PCK2: variants seen among roughly 807,000 people sequenced by gnomAD.
The protein encoded by PCK2 is phosphoenolpyruvate carboxykinase 2, mitochondrial.
A neutral mutation model predicts 65.9 loss-of-function variants in PCK2; 56 were observed. That is an observed-to-expected ratio of 0.85 (90% confidence interval 0.69 to 1.06). The LOEUF (loss-of-function observed/expected upper bound fraction) is 1.06, where lower values mean the gene tolerates loss of function less well. Ranked by LOEUF, PCK2 falls within the 50% of genes least tolerant of loss-of-function variation. The pLI, the probability that PCK2 is intolerant of heterozygous loss-of-function variation, is 0.00. For synonymous variants in PCK2, 305 were observed against 319.6 expected, an observed-to-expected ratio of 0.95 and a Z score of 0.49; for missense variants, 843 against 863.1, an observed-to-expected ratio of 0.98 and a Z score of 0.29.
In PCK2 at chr14:24,097,063, G is replaced by C. The variant is rs374957509; in HGVS notation, c.201G>C (p.Glu67Asp). The C allele has an allele frequency of 2.5e-6, 4 of 1,613,642 alleles. No homozygotes were observed. The highest frequency in any genetic ancestry group is 3.4e-6 in the Non-Finnish European group (4 of 1,179,824). ...PEGIHICDGT[E>D]AENTATLTLL... Reference sequence around the variant, plus strand: ...GCATCCACATCTGTGATGGAACTGAGGCTGAGAATACTGCCACACTGACCC... The same window carrying C: ...GCATCCACATCTGTGATGGAACTGACGCTGAGAATACTGCCACACTGACCC... The change falls in exon 2 of 10, where the codon GAG (glutamate) becomes GAC (aspartate). Residue 67 changes from glutamate to aspartate, a missense_variant. Physicochemically the swap from Glu to Asp is conservative, Grantham distance 45. Transcript: ENST00000216780.
chr14:24,100,594 A>G, intron 7 of PCK2: 1 of 1,081,532 alleles, frequency 9.2e-7, no homozygotes, highest in East Asian at 6.0e-5. Flanking sequence ...ATGAAAGGAA[A>G]AGGAAGGACT....
rs34592767 is a variant in PCK2, at chr14:24,096,228, C to CTT, written c.30-637_30-636dup. 1.9e-3 allele frequency among the ~76,000 whole-genome samples: 109 copies of CTT among 58,870 alleles called. 15 individuals are homozygous for CTT. Among genetic ancestry groups the CTT allele is most frequent in the Non-Finnish European group, 1.5e-3 (53 of 34,854 alleles). 38.6% of individuals were successfully genotyped at this position (58,870 alleles called of 152,430 possible). ...TTGGGCCAAAGGCCCCTACTCATTT[C>CTT]TTTTTTTTTTTTTTTTTTTTTTTTT... On this transcript the variant is annotated intron_variant, in intron 1 of 9. Coordinates refer to ENST00000216780, the MANE Select transcript of PCK2 (RefSeq NM_004563.4).
intron 2 of PCK2, among the ~76,000 whole-genome samples, chr14:24,097,614 GTC>G (rs2036952760): frequency 6.8e-6 from 1 of 147,314 alleles, no homozygotes; most frequent in Admixed American, 6.7e-5. Context: ...TTGAGATGGA[GTC>G]TCACTGTATC....
At position 24,100,337 on chromosome 14, in the gene PCK2, T is replaced by C. The variant is rs957187661; in HGVS notation, c.1234+124T>C. On this transcript the variant is annotated intron_variant, in intron 7 of 9. Coordinates refer to ENST00000216780, the MANE Select transcript of PCK2 (RefSeq NM_004563.4). ...CAGGAGGCACAGAAGTCATGAACGTTTGCAGTTTCCAGTCCCAGGCAAAAT... is the reference window on the plus strand; with the variant it reads ...CAGGAGGCACAGAAGTCATGAACGTCTGCAGTTTCCAGTCCCAGGCAAAAT... 2.7e-6 allele frequency: 4 copies of C among 1,493,198 alleles called. No homozygotes were observed. The African/African-American group carries it at 5.6e-5, about 21-fold the overall frequency. 92.5% of individuals were successfully genotyped at this position (1,493,198 alleles called of 1,614,324 possible).
chr14:24,094,736 G>C lies in PCK2; in HGVS notation c.29+302G>C, dbSNP rs1189508993. The stretch of plus-strand genomic sequence containing the variant: ...CTCCTCGCTCCTCTCTGCTGAGCCA[G>C]GTCTCCGCATATCCTCCTTTCCTTC... On this transcript the variant is annotated intron_variant, in intron 1 of 9. Coordinates refer to ENST00000216780, the MANE Select transcript of PCK2 (RefSeq NM_004563.4). The surrounding 1 kb of genome is among the most constrained non-coding windows in gnomAD (Gnocchi z 4.1). 1.3e-6 allele frequency: 2 copies of C among 1,483,762 alleles called. No individual in the cohort carries two copies. Among genetic ancestry groups the C allele is most frequent in the Admixed American group, 4.1e-5 (2 of 49,132 alleles). 91.9% of individuals were successfully genotyped at this position (1,483,762 alleles called of 1,614,324 possible).
Position 24,102,746 on chromosome 14 carries a change from C to T in PCK2, c.1235-7C>T. ...GGAAATAATAGTGTTTGTATTTCCTCTGCCAGGTGACAAGGAGCCCTGTGC... is the reference window on the plus strand; with the variant it reads ...GGAAATAATAGTGTTTGTATTTCCTTTGCCAGGTGACAAGGAGCCCTGTGC... On this transcript the variant is annotated splice_region_variant and splice_polypyrimidine_tract_variant and intron_variant, in intron 7 of 9. Coordinates refer to ENST00000216780, the MANE Select transcript of PCK2 (RefSeq NM_004563.4). 6.2e-7 allele frequency: 1 copy of T among 1,612,060 alleles called. No homozygotes were observed. Among genetic ancestry groups the T allele is most frequent in the Non-Finnish European group, 8.5e-7 (1 of 1,178,806 alleles).
At chr14:24,099,287 G>T in intron 5 of PCK2, 51 bp downstream of exon 5, 1 of 1,524,564 alleles carries the variant, frequency 6.6e-7, no homozygotes, top group South Asian at 1.2e-5. Context: ...GGCAGGGGTG[G>T]GGCCTGGCCA....
chr14:24,099,797 G>T, intron 6 of PCK2, 77 bp downstream of exon 6: 1 of 1,521,072 alleles, frequency 6.6e-7, no homozygotes, highest in South Asian at 1.1e-5. Flanking sequence ...TGTTCACAAT[G>T]ACTTTGTCAG....
At chr14:24,096,563 T>G (rs974032392) in intron 1 of PCK2, among the ~76,000 whole-genome samples, 5 of 152,136 alleles carry the variant, frequency 3.3e-5, no homozygotes, top group Non-Finnish European at 1.5e-5. Flanking sequence ...AAACGTTGAT[T>G]AAACAGTTAA....
chr14:24,100,020 G>A lies in PCK2; in HGVS notation c.1041G>A (p.Glu347=). 1 of 1,614,132 alleles carries A rather than the reference G, an allele frequency of 6.2e-7. No homozygotes were observed. Among genetic ancestry groups the A allele is most frequent in the Non-Finnish European group, 8.5e-7 (1 of 1,180,002 alleles). ...SEGRLRAINP[E]NGFFGVAPGT... ...GTCGACTCCGGGCCATCAACCCTGA[G>A]AACGGCTTCTTTGGGGTTGCCCCTG... Residue 347 remains glutamate, a synonymous_variant, in exon 7 of 10, where the codon GAG becomes GAA. Transcript: ENST00000216780.
chr14:24,099,524 C>T, intron 5 of PCK2, 34 bp from the exon 6 acceptor site: 2 of 1,546,958 alleles, frequency 1.3e-6, no homozygotes, highest in Non-Finnish European at 1.7e-6. Context: ...CTTTTGGTGA[C>T]CTCTTTCTTA....
rs2138923683 is a variant in PCK2, at chr14:24,094,867, A to G, written c.29+433A>G. The G allele has an allele frequency of 7.7e-7, 1 of 1,295,018 alleles. No homozygotes were observed. The highest frequency in any genetic ancestry group is 1.0e-6 in the Non-Finnish European group (1 of 990,518). 80.2% of individuals were successfully genotyped at this position (1,295,018 alleles called of 1,614,324 possible). A position where few individuals can be genotyped will look rare whatever the true frequency, so the allele number is the denominator to read the frequency against. On this transcript the variant is annotated intron_variant, in intron 1 of 9. Transcript: ENST00000216780. This position sits in a 1 kb window ranked among gnomAD's most constrained non-coding sequence, Gnocchi z 4.1. ...AAGGGTACGTGAGCCCCGGGAGACT[A>G]AGCTCAGAGCCCCCTAAAGAAGGTG...
intron 8 of PCK2, 127 bp from the exon 9 acceptor site, chr14:24,103,033 G>C: frequency 8.3e-7 from 1 of 1,202,464 alleles, no homozygotes; most frequent in South Asian, 1.3e-5. Flanking sequence ...CTTGGGAGGA[G>C]GCAAAGGGTC....
In PCK2 at chr14:24,103,733, G is replaced by A. The variant is rs1391380485; in HGVS notation, c.1692G>A (p.Gly564=). The A allele has an allele frequency of 4.3e-6, 7 of 1,614,196 alleles. No individual in the cohort carries two copies. The highest frequency in any genetic ancestry group is 4.5e-5 in the East Asian group (2 of 44,876). ...VLDWICRRLE[G]EDSARETPIG... is the part of the protein sequence containing the mutation. ...ACTGGATCTGCCGGCGGTTAGAGGG[G>A]GAGGACAGTGCCCGAGAGACACCCA... The change falls in exon 10 of 10, where the codon GGG becomes GGA. Residue 564 remains glycine, a synonymous_variant. Coordinates refer to ENST00000216780, the MANE Select transcript of PCK2 (RefSeq NM_004563.4).
rs1272357579 is a variant in PCK2, at chr14:24,097,093, G to A, written c.231G>A (p.Leu77=). The A allele has an allele frequency of 2.5e-6, 4 of 1,613,760 alleles. No homozygotes were observed. Among genetic ancestry groups the A allele is most frequent in the Non-Finnish European group, 2.5e-6 (3 of 1,179,896 alleles). ...EAENTATLTL[L]EQQGLIRKLP... ...AGAATACTGCCACACTGACCCTGCT[G>A]GAGCAGCAGGGCCTCATCCGAAAGC... Residue 77 remains leucine, a synonymous_variant, in exon 2 of 10, where the codon CTG becomes CTA. Coordinates refer to ENST00000216780, the MANE Select transcript of PCK2 (RefSeq NM_004563.4).
chr14:24,103,004 C>A, intron 8 of PCK2, 114 bp downstream of exon 8: 1 of 1,308,710 alleles, frequency 7.6e-7, no homozygotes, highest in Non-Finnish European at 1.1e-6. Context: ...CTCCAGAGTT[C>A]TCCCCTGGTG....
chr14:24,102,845 G>T lies in PCK2; in HGVS notation c.1327G>T (p.Gly443Cys). The T allele has an allele frequency of 6.2e-7, 1 of 1,614,014 alleles. No individual in the cohort carries two copies. The highest frequency in any genetic ancestry group is 8.5e-7 in the Non-Finnish European group (1 of 1,179,952). ...IMDPAWEAPE[G>C]VPIDAIIFGG... is the part of the protein sequence containing the mutation. The stretch of plus-strand genomic sequence containing the variant: ...GGACCCAGCCTGGGAGGCCCCAGAG[G>T]GTGTCCCCATTGACGCCATCATCTT... The change falls in exon 8 of 10, where the codon GGT (glycine) becomes TGT (cysteine). Residue 443 changes from glycine to cysteine, a missense_variant. Gly to Cys is a radical substitution (Grantham distance 159). Coordinates refer to ENST00000216780, the MANE Select transcript of PCK2 (RefSeq NM_004563.4).
At chr14:24,098,722 G>A (rs758130044) in intron 4 of PCK2, 44 bp downstream of exon 4, 2 of 1,532,772 alleles carry the variant, frequency 1.3e-6, no homozygotes, top group African/African-American at 1.4e-5. Context: ...AGGCCTTCTT[G>A]TACTCAGAGG....
intron 7 of PCK2, chr14:24,102,547 T>A: frequency 1.8e-6 from 1 of 558,126 alleles, no homozygotes. Context: ...CTCACATAGC[T>A]CAGCTGGCCG....
Sources: gnomAD v4.1 joint callset for allele counts (sites outside exome capture counted in the v4.1 genomes callset) on GRCh38, gnomAD v4.1.1 for gene constraint, Gnocchi (gnomAD v3.1) non-coding constraint, MANE v1.5 for transcripts, NCBI Gene and HGNC (gene_info 2026-07-23, HGNC 2026-07-21) for gene names.